Variants in TTLL4 observed in about 807,000 individuals in gnomAD.
TTLL4 encodes the protein tubulin monoglutamylase TTLL4.
TTLL4 carries 85 observed loss-of-function variants against 122.7 expected under a neutral mutation model. The observed-to-expected ratio is 0.69, with a 90% CI of 0.58 to 0.83. The LOEUF (loss-of-function observed/expected upper bound fraction) is 0.83, where lower values mean the gene tolerates loss of function less well. Ranked by LOEUF, TTLL4 falls within the 40% of genes least tolerant of loss-of-function variation. TTLL4 has a pLI of 0.00. For synonymous variants in TTLL4, 553 were observed against 563.0 expected (o/e 0.98, Z 0.25); for missense variants, 1,363 against 1,488.6 (o/e 0.92, Z 1.39).
rs778813071 is a variant in TTLL4 at position 218,753,214 on chromosome 2, C to T, written c.3258+29C>T. On this transcript the variant is annotated intron_variant, in intron 18 of 19. Coordinates refer to ENST00000392102, the MANE Select transcript of TTLL4 (RefSeq NM_014640.5). ...AGTGCTGCCAGTGTGGAGGACAGCT[C>T]CTTCTCAGGCCCCTCCCTCCTCTGC... 5.6e-6 allele frequency: 9 copies of T among 1,612,754 alleles called. No individual in the cohort carries two copies. In the South Asian group the frequency reaches 8.8e-5, roughly 16 times the overall value.
At chr2:218,714,021 A>G (rs1941786908) in intron 1 of TTLL4, among the ~76,000 whole-genome samples, 1 of 152,210 alleles carries the variant, frequency 6.6e-6, no homozygotes, top group Non-Finnish European at 1.5e-5. Context: ...CCAGGAGTTC[A>G]TTCTGTAGGT....
chr2:218,749,971 G>T (rs776092648), intron 14 of TTLL4, 38 bp from the exon 15 acceptor site: 22 of 1,609,222 alleles, frequency 1.4e-5, no homozygotes, highest in South Asian at 5.5e-5. Flanking sequence ...CTGTTTCGGA[G>T]TGCTGCTTTG....
At chr2:218,750,179 C>T in intron 15 of TTLL4, 33 bp downstream of exon 15, 2 of 1,608,176 alleles carry the variant, frequency 1.2e-6, no homozygotes, top group Middle Eastern at 3.5e-4. Flanking sequence ...GCTCTGCTGG[C>T]AGCATGAGTA....
At chr2:218,736,828 A>T (rs1275837927) in intron 2 of TTLL4, among the ~76,000 whole-genome samples, 1 of 151,430 alleles carries the variant, frequency 6.6e-6, no homozygotes, top group Non-Finnish European at 1.5e-5. Context: ...CAGTAGATGT[A>T]AAATGAGTTT....
intron 1 of TTLL4, among the ~76,000 whole-genome samples, chr2:218,720,368 T>G (rs891291796): frequency 6.6e-5 from 10 of 151,946 alleles, no homozygotes; most frequent in Admixed American, 5.2e-4. Context: ...ACGCACTGAG[T>G]AAAAAATAGC....
At chr2:218,734,306 G>A (rs1450155759) in intron 2 of TTLL4, among the ~76,000 whole-genome samples, 16 of 152,286 alleles carry the variant, frequency 1.1e-4, no homozygotes, top group Admixed American at 1.0e-3. Context: ...ATTCAAGTTT[G>A]TTTCCCCTTC....
At chr2:218,716,784 T>C (rs1299895697) in intron 1 of TTLL4, among the ~76,000 whole-genome samples, 2 of 151,976 alleles carry the variant, frequency 1.3e-5, no homozygotes, top group Admixed American at 1.3e-4. Flanking sequence ...CGAGACTCTG[T>C]CTCAAAAAGA....
intron 3 of TTLL4, among the ~76,000 whole-genome samples, chr2:218,739,793 A>G (rs771602007): frequency 2.3e-4 from 35 of 152,248 alleles, no homozygotes; most frequent in Non-Finnish European, 4.1e-4. Flanking sequence ...TTTTAGATGT[A>G]GAATGTTGTA....
At chr2:218,724,441 C>T (rs35695178) in intron 1 of TTLL4, among the ~76,000 whole-genome samples, 74,384 of 151,918 alleles carry the variant, frequency 0.49, 18,837 homozygotes, top group African/African-American at 0.58. Context: ...CCTACTCTTC[C>T]TGGCCTCTGT....
At position 218,719,221 on chromosome 2, in the gene TTLL4, C is replaced by G. The variant is rs554755312; in HGVS notation, c.-177-8048C>G. On this transcript the variant is annotated intron_variant, in intron 1 of 19. Coordinates refer to ENST00000392102, the MANE Select transcript of TTLL4 (RefSeq NM_014640.5). ...AACTGGACCAGGGTTCTTCCCACCC[C>G]CTTCTGCCAGCGTGGCTCTGTATTT... 1.3e-3 allele frequency among the ~76,000 whole-genome samples: 193 copies of G among 152,178 alleles called. 1 individual carries two copies. Among genetic ancestry groups the G allele is most frequent in the Non-Finnish European group, 1.9e-3 (127 of 68,014 alleles).
At chr2:218,744,266 A>T (rs1001204909) in intron 5 of TTLL4, among the ~76,000 whole-genome samples, 1 of 152,236 alleles carries the variant, frequency 6.6e-6, no homozygotes, top group African/African-American at 2.4e-5. Context: ...TTAATGTTAT[A>T]ATAATATTCG....
At chr2:218,758,446 C>T (rs370511969), downstream of TTLL4, among the ~76,000 whole-genome samples, 41 of 152,014 alleles carry the variant, frequency 2.7e-4, no homozygotes, top group African/African-American at 9.4e-4. Flanking sequence ...CCAAAACTAC[C>T]ACCCAGAACA....
At chr2:218,727,812 C>T (rs921701799) in intron 2 of TTLL4, among the ~76,000 whole-genome samples, 1 of 152,086 alleles carries the variant, frequency 6.6e-6, no homozygotes, top group Non-Finnish European at 1.5e-5. Flanking sequence ...GTATTACTGC[C>T]TCATTAGAGT....
downstream of TTLL4, among the ~76,000 whole-genome samples, chr2:218,757,041 T>C (rs1943165980): frequency 2.0e-5 from 3 of 152,174 alleles, no homozygotes; most frequent in South Asian, 6.2e-4. Context: ...AACTTTTAAG[T>C]CTCCATTTCT....
chr2:218,712,526 A>T (rs894164597), intron 1 of TTLL4, among the ~76,000 whole-genome samples: 5 of 151,952 alleles, frequency 3.3e-5, no homozygotes, highest in African/African-American at 1.2e-4. Flanking sequence ...AGCTGGGATT[A>T]GAGGCGCATG....
chr2:218,748,422 AGGTG>A, intron 12 of TTLL4, 195 bp downstream of exon 12: 2 of 806,350 alleles, frequency 2.5e-6, no homozygotes, highest in Non-Finnish European at 3.7e-6. Flanking sequence ...TGGGAGGCCA[AGGTG>A]GGTGGATCAC....
At position 218,746,210 on chromosome 2, in the gene TTLL4, A is replaced by G; in HGVS notation, c.1953A>G (p.Arg651=). The change falls in exon 8 of 20, where the codon CGA becomes CGG. Residue 651 remains arginine, a synonymous_variant. Transcript: ENST00000392102. Reference sequence around the variant, plus strand: ...ACCACATGAAGTCTCCTAGTTTCCGATCCATTCGAGAGCATCAGAAGGTAG... The same window carrying G: ...ACCACATGAAGTCTCCTAGTTTCCGGTCCATTCGAGAGCATCAGAAGGTAG... ...WGHHMKSPSF[R]SIREHQKLNH... The G allele has an allele frequency of 1.9e-6, 3 of 1,614,022 alleles. No individual in the cohort carries two copies. The highest frequency in any genetic ancestry group is 2.5e-6 in the Non-Finnish European group (3 of 1,180,014).
intron 16 of TTLL4, among the ~76,000 whole-genome samples, chr2:218,752,150 C>T (rs61382498): frequency 0.067 from 10,121 of 152,128 alleles, 414 homozygotes; most frequent in African/African-American, 0.11. Context: ...TCAAGTGATC[C>T]GCCTGCCTCG....
At chr2:218,726,517 G>A (rs1299306523) in intron 1 of TTLL4, among the ~76,000 whole-genome samples, 2 of 152,202 alleles carry the variant, frequency 1.3e-5, no homozygotes, top group Non-Finnish European at 2.9e-5. Context: ...CCAGGCTGGA[G>A]TGCAGTGGCA....
Sources: gnomAD v4.1 joint callset for allele counts (sites outside exome capture counted in the v4.1 genomes callset) on GRCh38, gnomAD v4.1.1 for gene constraint, MANE v1.5 for transcripts, NCBI Gene and HGNC (gene_info 2026-07-23, HGNC 2026-07-21) for gene names.